Variants in VGLL4 observed in about 807,000 individuals in gnomAD.
VGLL4 encodes vestigial like family member 4.
Under a neutral mutation model 21.0 loss-of-function variants are expected in VGLL4, and 7 were observed. The ratio of observed to expected loss-of-function variants is 0.33; its 90% CI spans 0.19 to 0.63. The LOEUF (loss-of-function observed/expected upper bound fraction) is 0.63, where lower values mean the gene tolerates loss of function less well. Ranked by LOEUF, VGLL4 falls within the 20% of genes least tolerant of loss-of-function variation. The pLI is 0.78. For missense variants in VGLL4, 394 were observed against 425.7 expected, an observed-to-expected ratio of 0.93 and a Z score of 0.66; for synonymous variants, 222 against 173.2, an observed-to-expected ratio of 1.28 and a Z score of -2.21.
intron 1 of VGLL4, among the ~76,000 whole-genome samples, chr3:11,624,392 G>C (rs898234352): frequency 1.3e-5 from 2 of 152,170 alleles, no homozygotes; most frequent in Non-Finnish European, 2.9e-5. Context: ...CTCAGGAAAT[G>C]CCTGATGAAC....
chr3:11,564,401 T>G (rs7628730), intron 3 of VGLL4, among the ~76,000 whole-genome samples: 3 of 64,370 alleles, frequency 4.7e-5, no homozygotes, highest in African/African-American at 1.1e-4. Context: ...AGGAGAAACG[T>G]AGGACCCCCC....
chr3:11,680,942 A>G (rs1281382985), intron 2 of VGLL4, among the ~76,000 whole-genome samples: 2 of 152,020 alleles, frequency 1.3e-5, no homozygotes, highest in Admixed American at 1.3e-4. Context: ...AGCTGCCTAC[A>G]CGATTTCAAT....
chr3:11,635,047 G>C (rs1459206983), intron 1 of VGLL4, among the ~76,000 whole-genome samples: 1 of 152,082 alleles, frequency 6.6e-6, no homozygotes, highest in Non-Finnish European at 1.5e-5. Context: ...GGCATAAAGA[G>C]ACTAAGGTAA....
At chr3:11,631,319 T>C (rs1314461270) in intron 1 of VGLL4, among the ~76,000 whole-genome samples, 1 of 152,138 alleles carries the variant, frequency 6.6e-6, no homozygotes, top group Non-Finnish European at 1.5e-5. Context: ...AAATACAGAA[T>C]AATGGAGGCC....
intron 1 of VGLL4, among the ~76,000 whole-genome samples, chr3:11,613,511 G>T (rs1398328199): frequency 1.3e-5 from 2 of 152,154 alleles, no homozygotes; most frequent in Non-Finnish European, 2.9e-5. Flanking sequence ...AATTCACCAC[G>T]TGCTGCTCTT....
rs1471348039 is a variant in VGLL4, at chr3:11,689,074, G to A, written c.64+13897C>T. On this transcript the variant is annotated intron_variant, in intron 2 of 5. Transcript: ENST00000273038. Reference sequence around the variant, plus strand: ...TTTTTTCTTTTGGAGGGATTGAGGAGATACTGGTTAAAAAATACAAAATTT... The same window carrying A: ...TTTTTTCTTTTGGAGGGATTGAGGAAATACTGGTTAAAAAATACAAAATTT... 2.6e-5 allele frequency among the ~76,000 whole-genome samples: 4 copies of A among 152,002 alleles called. 1 individual carries two copies. The highest frequency in any genetic ancestry group is 9.7e-5 in the African/African-American group (4 of 41,394).
intron 2 of VGLL4, among the ~76,000 whole-genome samples, chr3:11,596,647 G>C (rs956618373): frequency 6.6e-6 from 1 of 152,188 alleles, no homozygotes; most frequent in Non-Finnish European, 1.5e-5. Context: ...AGAACTTCTT[G>C]TGATGATAGA....
chr3:11,564,626 C>A, intron 3 of VGLL4, 171 bp downstream of exon 3: 1 of 783,254 alleles, frequency 1.3e-6, no homozygotes, highest in Non-Finnish European at 2.0e-6. Context: ...TTCTGCTGTC[C>A]CTTGTCCCAA....
chr3:11,623,578 G>C (rs563098773), intron 1 of VGLL4, among the ~76,000 whole-genome samples: 1 of 152,262 alleles, frequency 6.6e-6, no homozygotes, highest in African/African-American at 2.4e-5. Context: ...CTGTAAGTTG[G>C]GAATGCTGAA....
At chr3:11,580,166 A>T (rs1575410226) in intron 2 of VGLL4, among the ~76,000 whole-genome samples, 1 of 151,872 alleles carries the variant, frequency 6.6e-6, no homozygotes, top group African/African-American at 2.4e-5. Context: ...TTAAACACCA[A>T]CCTCCCATTT....
At chr3:11,600,612 A>G (rs138590761) in intron 2 of VGLL4, among the ~76,000 whole-genome samples, 16 of 152,244 alleles carry the variant, frequency 1.1e-4, no homozygotes, top group Non-Finnish European at 1.5e-4. Context: ...TTATTTGAGG[A>G]TAAATACCTC....
chr3:11,574,785 A>ATG (rs375691226), intron 2 of VGLL4, among the ~76,000 whole-genome samples: 17,024 of 121,386 alleles, frequency 0.14, 1,237 homozygotes, highest in Middle Eastern at 0.21. Flanking sequence ...TCAACTATAT[A>ATG]TGTGTGTGTG....
At chr3:11,674,011 C>CAAA (rs11293628) in intron 2 of VGLL4, among the ~76,000 whole-genome samples, 5 of 56,874 alleles carry the variant, frequency 8.8e-5, no homozygotes, top group South Asian at 7.0e-4. Flanking sequence ...GACTTTGTCT[C>CAAA]AAAAAAAAAA....
At chr3:11,701,471 A>G (rs536355004) in intron 2 of VGLL4, among the ~76,000 whole-genome samples, 12 of 152,202 alleles carry the variant, frequency 7.9e-5, no homozygotes, top group Non-Finnish European at 1.6e-4. Context: ...TAAATGGACT[A>G]AGACACATGT....
chr3:11,651,586 G>C (rs894590308), intron 2 of VGLL4, among the ~76,000 whole-genome samples: 2 of 149,540 alleles, frequency 1.3e-5, no homozygotes, highest in Admixed American at 1.3e-4. Flanking sequence ...AAACAAAGCA[G>C]ACTATAAGAT....
chr3:11,671,510 G>T (rs190277149), intron 2 of VGLL4: 3 of 632,626 alleles, frequency 4.7e-6, no homozygotes, highest in Non-Finnish European at 8.7e-6. Context: ...CTCAAGTTTC[G>T]CAGTCTGCCC....
intron 1 of VGLL4, among the ~76,000 whole-genome samples, chr3:11,636,125 T>C (rs1449432066): frequency 6.6e-6 from 1 of 152,210 alleles, no homozygotes; most frequent in Non-Finnish European, 1.5e-5. Context: ...AGTACTGCCA[T>C]ATAATGGAAG....
At chr3:11,649,166 G>A (rs373768388) in intron 2 of VGLL4, among the ~76,000 whole-genome samples, 2 of 152,194 alleles carry the variant, frequency 1.3e-5, no homozygotes, top group Admixed American at 6.5e-5. Flanking sequence ...AGACTATTAC[G>A]CAGCCATTAC....
intron 2 of VGLL4, among the ~76,000 whole-genome samples, chr3:11,668,880 G>T (rs181949823): frequency 6.7e-6 from 1 of 150,348 alleles, no homozygotes. Flanking sequence ...TCACACTGCT[G>T]TCTTCACCCT....
Sources: allele counts gnomAD v4.1 joint callset (sites outside exome capture counted in the v4.1 genomes callset), GRCh38; gene constraint gnomAD v4.1.1; transcripts MANE v1.5; gene names NCBI Gene and HGNC (gene_info 2026-07-23, HGNC 2026-07-21).